The following SHANK2 variants were observed in gnomAD, a reference collection of about 807,000 sequenced individuals.
The protein encoded by SHANK2 is SH3 and multiple ankyrin repeat domains protein 2.
SHANK2 carries 43 observed loss-of-function variants against 133.7 expected under a neutral mutation model. That is an observed-to-expected ratio of 0.32 (90% CI 0.25 to 0.41). The LOEUF is 0.41. Among genes scored for constraint, SHANK2 ranks in the 10% least tolerant of loss-of-function variants. The pLI is 1.00. For synonymous variants in SHANK2, 1,017 were observed against 952.8 expected (o/e 1.07, Z -1.24); for missense variants, 1,994 against 2,235.8 (o/e 0.89, Z 2.18).
intron 17 of SHANK2, among the ~76,000 whole-genome samples, chr11:70,643,724 T>A (rs1565208017): frequency 6.6e-6 from 1 of 152,170 alleles, no homozygotes; most frequent in Non-Finnish European, 1.5e-5. Context: ...TTTGGTCATT[T>A]GAATGAGGGT....
intron 3 of SHANK2, among the ~76,000 whole-genome samples, chr11:71,127,632 A>G (rs55753840): frequency 0.16 from 24,681 of 152,192 alleles, 2,388 homozygotes; most frequent in South Asian, 0.31. Context: ...TTAACAAAGT[A>G]TTTTTTAATT....
At chr11:70,878,912 ACT>A (rs1949614432) in intron 11 of SHANK2, among the ~76,000 whole-genome samples, 1 of 151,628 alleles carries the variant, frequency 6.6e-6, no homozygotes. Flanking sequence ...CTCCAGCCAG[ACT>A]CTCTGCCCCT....
chr11:71,099,980 T>TGAAC (rs1565450489), intron 6 of SHANK2, among the ~76,000 whole-genome samples: 6 of 147,812 alleles, frequency 4.1e-5, no homozygotes, highest in Non-Finnish European at 8.9e-5. Context: ...GCCCAGGAGG[T>TGAAC]CAAGTTTGCA....
At chr11:70,821,362 G>A (rs957463395) in intron 11 of SHANK2, among the ~76,000 whole-genome samples, 34 of 152,162 alleles carry the variant, frequency 2.2e-4, no homozygotes, top group African/African-American at 5.3e-4. Flanking sequence ...CCAGCCCTGC[G>A]ATGCCCTGAT....
chr11:71,095,165 ACAT>A (rs1951585612), intron 6 of SHANK2, among the ~76,000 whole-genome samples: 1 of 152,252 alleles, frequency 6.6e-6, no homozygotes, highest in East Asian at 1.9e-4. Context: ...CACAAATGAG[ACAT>A]GAAGTCCGTG....
intron 10 of SHANK2, among the ~76,000 whole-genome samples, chr11:70,897,502 GC>G (rs1240700226): frequency 6.6e-6 from 1 of 152,234 alleles, no homozygotes; most frequent in African/African-American, 2.4e-5. Flanking sequence ...TGAGTTTCCA[GC>G]CTTACCTACT....
chr11:71,132,207 G>A (rs1210051345), intron 3 of SHANK2, among the ~76,000 whole-genome samples: 6 of 152,150 alleles, frequency 3.9e-5, no homozygotes, highest in African/African-American at 9.7e-5. Flanking sequence ...AGGCAGAGTC[G>A]GAGCCAGGCT....
At chr11:70,492,556 A>T (rs1565535169) in intron 21 of SHANK2, 91 bp from the exon 22 acceptor site, 2 of 1,533,154 alleles carry the variant, frequency 1.3e-6, no homozygotes, top group East Asian at 2.3e-5. Flanking sequence ...AGCCACTCCA[A>T]CATCCAAAAC....
chr11:71,119,951 C>T (rs1195634220), intron 3 of SHANK2, among the ~76,000 whole-genome samples: 1 of 152,206 alleles, frequency 6.6e-6, no homozygotes, highest in Non-Finnish European at 1.5e-5. Flanking sequence ...AGTTTTCATA[C>T]TACCTACGCT....
intron 10 of SHANK2, among the ~76,000 whole-genome samples, chr11:70,897,784 T>C (rs565160330): frequency 1.3e-5 from 2 of 152,186 alleles, no homozygotes; most frequent in Non-Finnish European, 2.9e-5. Context: ...ACCTTTCCTT[T>C]AGGTCATATT....
chr11:70,619,585 G>T (rs1317960003), intron 17 of SHANK2, among the ~76,000 whole-genome samples: 1 of 152,196 alleles, frequency 6.6e-6, no homozygotes, highest in Non-Finnish European at 1.5e-5. Context: ...GAAGGCAGTC[G>T]GTCGACAGGC....
chr11:70,554,285 T>C (rs1386911437), intron 17 of SHANK2, among the ~76,000 whole-genome samples: 2 of 152,144 alleles, frequency 1.3e-5, no homozygotes, highest in Non-Finnish European at 2.9e-5. Context: ...GGGGGTCCAG[T>C]CTCAGATGGC....
chr11:71,219,816 T>G (rs545126727), intron 2 of SHANK2, among the ~76,000 whole-genome samples: 6 of 152,122 alleles, frequency 3.9e-5, no homozygotes, highest in Admixed American at 1.3e-4. Context: ...GAGAATCACT[T>G]GAGCCCAGGA....
intron 11 of SHANK2, among the ~76,000 whole-genome samples, chr11:70,832,732 G>T (rs1327207148): frequency 2.7e-5 from 4 of 150,480 alleles, no homozygotes; most frequent in Non-Finnish European, 4.4e-5. Flanking sequence ...CCCCTCTTCT[G>T]CCCAGGGCCT....
chr11:70,712,944 AT>A (rs1237265836), intron 14 of SHANK2, among the ~76,000 whole-genome samples: 2 of 152,192 alleles, frequency 1.3e-5, no homozygotes, highest in African/African-American at 2.4e-5. Flanking sequence ...GCACATGTGT[AT>A]GGCGTGTGTC....
intron 11 of SHANK2, among the ~76,000 whole-genome samples, chr11:70,857,051 C>A (rs1201404371): frequency 6.6e-6 from 1 of 152,204 alleles, no homozygotes; most frequent in African/African-American, 2.4e-5. Context: ...CCTGCCTCTG[C>A]GTGCAAATGT....
In SHANK2 at chr11:70,788,776, C is replaced by T. The variant is rs528925894; in HGVS notation, c.1777+9667G>A. On this transcript the variant is annotated intron_variant, in intron 14 of 25. Transcript: ENST00000601538. ...AAACTCCAAGTGTGTCCTGAAACCC[C>T]GACGAGGCCACACAGGGTGTCCTAT... Among the ~76,000 whole-genome samples, 35 of 152,290 alleles carry T rather than the reference C, an allele frequency of 2.3e-4. No individual in the cohort carries two copies. The South Asian group carries it at 3.5e-3, about 15-fold the overall frequency.
chr11:71,107,565 C>A (rs117130874), intron 6 of SHANK2, among the ~76,000 whole-genome samples: 1 of 152,132 alleles, frequency 6.6e-6, no homozygotes, highest in East Asian at 1.9e-4. Context: ...TACTCAGTTC[C>A]GGGGAAAGTG....
chr11:70,883,099 G>C, intron 11 of SHANK2, among the ~76,000 whole-genome samples: 1 of 152,114 alleles, frequency 6.6e-6, no homozygotes, highest in African/African-American at 2.4e-5. Flanking sequence ...CCCACCCTGG[G>C]GACCCTTGTC....
Sources: allele counts gnomAD v4.1 joint callset (sites outside exome capture counted in the v4.1 genomes callset), GRCh38; gene constraint gnomAD v4.1.1; transcripts MANE v1.5; gene names NCBI Gene and HGNC (gene_info 2026-07-23, HGNC 2026-07-21).